LRMDA: variants seen among roughly 807,000 people sequenced by gnomAD.
LRMDA encodes leucine-rich melanocyte differentiation-associated protein.
In LRMDA, 18 loss-of-function variants were observed where a neutral mutation model predicts 29.8. That is an observed-to-expected ratio of 0.60 (90% CI 0.42 to 0.90). The LOEUF (loss-of-function observed/expected upper bound fraction) is 0.90, where lower values mean the gene tolerates loss of function less well. LRMDA is among the 40% of genes least tolerant of loss of function. The probability of loss-of-function intolerance (pLI) is 0.00; values close to 1 mark genes in which losing one functional copy is unlikely to be tolerated. For missense variants in LRMDA, 273 were observed against 273.9 expected (o/e 1.00, Z 0.02); for synonymous variants, 125 against 109.4 (o/e 1.14, Z -0.89).
intron 2 of LRMDA, among the ~76,000 whole-genome samples, chr10:75,575,981 T>C (rs1221098687): frequency 1.3e-5 from 2 of 150,932 alleles, no homozygotes; most frequent in Admixed American, 6.6e-5. Context: ...TTTTTTTTTT[T>C]CACTCCTCAG....
Position 75,528,027 on chromosome 10 carries a change from C to T in LRMDA, c.131+89533C>T, listed in dbSNP as rs188376297. ...TCTTGAACTCCTGAGCTCAAGCAAT[C>T]TACCTGTCTTGGCCTCCCAAAGTGC... On this transcript the variant is annotated intron_variant, in intron 2 of 6. Coordinates refer to ENST00000611255, the MANE Select transcript of LRMDA (RefSeq NM_001305581.2). Among the ~76,000 whole-genome samples, 95 of 152,152 alleles carry T rather than the reference C, an allele frequency of 6.2e-4. 2 individuals are homozygous for T. The East Asian group carries it at 0.016, about 25-fold the overall frequency.
At chr10:75,763,723 T>C (rs1373545425) in intron 2 of LRMDA, among the ~76,000 whole-genome samples, 6 of 149,198 alleles carry the variant, frequency 4.0e-5, no homozygotes, top group Non-Finnish European at 5.9e-5. Flanking sequence ...TTGGCAGGTG[T>C]TGGGGAGGTG....
chr10:76,478,047 G>C (rs535821675), intron 6 of LRMDA, among the ~76,000 whole-genome samples: 35 of 152,012 alleles, frequency 2.3e-4, no homozygotes, highest in Non-Finnish European at 2.8e-4. Flanking sequence ...CCAAAATTGA[G>C]AAATGGGATC....
chr10:76,032,419 A>G (rs932647639), intron 2 of LRMDA, among the ~76,000 whole-genome samples: 2 of 152,250 alleles, frequency 1.3e-5, no homozygotes, highest in African/African-American at 4.8e-5. Flanking sequence ...TAACTCTGAC[A>G]GGAAGCTTGA....
At chr10:75,762,864 A>T (rs956962080) in intron 2 of LRMDA, among the ~76,000 whole-genome samples, 2 of 152,188 alleles carry the variant, frequency 1.3e-5, no homozygotes, top group African/African-American at 2.4e-5. Context: ...GAAACCTCAA[A>T]GTAATCTGTT....
At chr10:75,669,754 T>C (rs1841868257) in intron 2 of LRMDA, among the ~76,000 whole-genome samples, 1 of 152,200 alleles carries the variant, frequency 6.6e-6, no homozygotes, top group Admixed American at 6.5e-5. Flanking sequence ...TACTTTTTGG[T>C]GACACTATAT....
intron 6 of LRMDA, among the ~76,000 whole-genome samples, chr10:76,372,361 C>T (rs1263898100): frequency 2.6e-5 from 4 of 152,082 alleles, no homozygotes; most frequent in African/African-American, 9.7e-5. Flanking sequence ...ACCTGTAATC[C>T]CAGCACTTTG....
chr10:75,529,832 G>T (rs10824315), intron 2 of LRMDA, among the ~76,000 whole-genome samples: 36,141 of 152,002 alleles, frequency 0.24, 4,437 homozygotes, highest in Non-Finnish European at 0.26. Flanking sequence ...CAAATACAAC[G>T]TATCTATATT....
chr10:75,674,511 T>C (rs1341430915), intron 2 of LRMDA, among the ~76,000 whole-genome samples: 1 of 152,170 alleles, frequency 6.6e-6, no homozygotes, highest in African/African-American at 2.4e-5. Flanking sequence ...AAGAGAATAT[T>C]ATCGCTCTCT....
chr10:75,787,804 C>T (rs376857402), intron 2 of LRMDA, among the ~76,000 whole-genome samples: 7 of 152,124 alleles, frequency 4.6e-5, no homozygotes, highest in African/African-American at 9.7e-5. Flanking sequence ...CTGAAGAGGG[C>T]GGATCATGAG....
At chr10:75,648,297 A>G (rs1841553574) in intron 2 of LRMDA, among the ~76,000 whole-genome samples, 1 of 151,856 alleles carries the variant, frequency 6.6e-6, no homozygotes, top group Admixed American at 6.6e-5. Context: ...CTGAAACCTG[A>G]TGCTTCTCAC....
chr10:75,761,912 C>A (rs1462142143), intron 2 of LRMDA, among the ~76,000 whole-genome samples: 1 of 151,864 alleles, frequency 6.6e-6, no homozygotes, highest in Non-Finnish European at 1.5e-5. Context: ...GTGATCCCCC[C>A]ACCTCAGCCT....
intron 4 of LRMDA, among the ~76,000 whole-genome samples, chr10:76,053,982 G>T (rs1589305580): frequency 6.6e-6 from 1 of 152,212 alleles, no homozygotes; most frequent in African/African-American, 2.4e-5. Flanking sequence ...GAAGTCTCCA[G>T]GAAATACTGA....
intron 2 of LRMDA, among the ~76,000 whole-genome samples, chr10:75,561,252 T>A (rs1195333761): frequency 6.6e-6 from 1 of 151,498 alleles, no homozygotes; most frequent in African/African-American, 2.4e-5. Context: ...TTCTTCCTGG[T>A]TTAGTCGTGG....
chr10:75,732,349 T>C (rs1842710006), intron 2 of LRMDA, among the ~76,000 whole-genome samples: 1 of 152,198 alleles, frequency 6.6e-6, no homozygotes, highest in Non-Finnish European at 1.5e-5. Flanking sequence ...AGGTTCGTGC[T>C]CTCCTCTAAC....
At chr10:75,819,983 C>T (rs1844129190) in intron 2 of LRMDA, among the ~76,000 whole-genome samples, 1 of 152,136 alleles carries the variant, frequency 6.6e-6, no homozygotes, top group Admixed American at 6.6e-5. Flanking sequence ...TCTAAATATA[C>T]ATGCACCAAA....
chr10:76,084,705 T>A (rs1849106453), intron 5 of LRMDA, among the ~76,000 whole-genome samples: 1 of 152,190 alleles, frequency 6.6e-6, no homozygotes, highest in South Asian at 2.1e-4. Flanking sequence ...CACTTAGTAG[T>A]AGGTTAGTAA....
At chr10:75,951,363 G>A (rs1002919976) in intron 2 of LRMDA, among the ~76,000 whole-genome samples, 1 of 152,190 alleles carries the variant, frequency 6.6e-6, no homozygotes, top group African/African-American at 2.4e-5. Flanking sequence ...AGTCAGAGCC[G>A]ACTTCCTGGA....
At chr10:75,488,385 T>C (rs1844942010) in intron 2 of LRMDA, among the ~76,000 whole-genome samples, 1 of 152,182 alleles carries the variant, frequency 6.6e-6, no homozygotes, top group Admixed American at 6.5e-5. Flanking sequence ...AGAGTGTGCT[T>C]GGCTCCTGGT....
Sources: allele counts gnomAD v4.1 joint callset (sites outside exome capture counted in the v4.1 genomes callset), GRCh38; gene constraint gnomAD v4.1.1; transcripts MANE v1.5; gene names NCBI Gene and HGNC (gene_info 2026-07-23, HGNC 2026-07-21).